Variants in EPRS1 observed in about 807,000 individuals in gnomAD.
EPRS1 encodes the protein glutamyl-prolyl-tRNA synthetase 1.
A neutral mutation model predicts 188.3 loss-of-function variants in EPRS1; 107 were observed. The ratio of observed to expected loss-of-function variants is 0.57; its 90% CI spans 0.49 to 0.67. The LOEUF (loss-of-function observed/expected upper bound fraction) is 0.67, where lower values mean the gene tolerates loss of function less well. Among genes scored for constraint, EPRS1 ranks in the 30% least tolerant of loss-of-function variants. The pLI is 0.00. For synonymous variants in EPRS1, 596 were observed against 593.1 expected (o/e 1.00, Z -0.07); for missense variants, 1,577 against 1,802.2 (o/e 0.88, Z 2.26).
intron 2 of EPRS1, among the ~76,000 whole-genome samples, chr1:220,038,390 CTTTTTTTT>C (rs71169431): frequency 1.9e-4 from 19 of 101,564 alleles, no homozygotes; most frequent in African/African-American, 8.0e-4. Flanking sequence ...CTCAGTTTAT[CTTTTTTTT>C]TTTTTTTTTT....
intron 28 of EPRS1, among the ~76,000 whole-genome samples, chr1:219,976,515 T>A (rs1278566063): frequency 6.6e-6 from 1 of 152,188 alleles, no homozygotes; most frequent in African/African-American, 2.4e-5. Context: ...GCTTGTGCTG[T>A]GATTATGTAG....
chr1:220,015,646 A>G (rs1661688028), intron 12 of EPRS1, among the ~76,000 whole-genome samples: 2 of 152,152 alleles, frequency 1.3e-5, no homozygotes, highest in Non-Finnish European at 2.9e-5. Context: ...GACCCTCACC[A>G]TGGCCTATCA....
In EPRS1 at chr1:220,002,005, C is replaced by A. The variant is rs6674466; in HGVS notation, c.2064-750G>T. ...GATCACACCACTGCACTCCAGCCTGCGTGACAGAGTGAGATTCTGTCTCCA... is the reference window on the plus strand; with the variant it reads ...GATCACACCACTGCACTCCAGCCTGAGTGACAGAGTGAGATTCTGTCTCCA... On this transcript the variant is annotated intron_variant, in intron 16 of 31. Transcript: ENST00000366923. Among the ~76,000 whole-genome samples the A allele has an allele frequency of 7.9e-4, 117 of 148,844 alleles. No individual in the cohort carries two copies. In the East Asian group the frequency reaches 0.021, roughly 27 times the overall value.
intron 8 of EPRS1, among the ~76,000 whole-genome samples, chr1:220,023,938 G>C (rs1661922643): frequency 6.6e-6 from 1 of 152,214 alleles, no homozygotes; most frequent in Non-Finnish European, 1.5e-5. Flanking sequence ...CAGATCACAA[G>C]GTCAGGAATT....
chr1:220,040,404 G>T (rs983278395), intron 1 of EPRS1, 135 bp from the exon 2 acceptor site: 1 of 567,472 alleles, frequency 1.8e-6, no homozygotes, highest in Non-Finnish European at 3.1e-6. Context: ...TCAGTAGTCT[G>T]TAGACAGAAA....
Position 220,020,210 on chromosome 1 carries a change from G to C in EPRS1, c.1127C>G (p.Thr376Arg). Residue 376 changes from threonine (T) to arginine (R), a missense_variant, in exon 10 of 32, where the codon ACA becomes AGA. Around this residue, in one of 3 missense-constraint regions of EPRS1, gnomAD observed 1,278 missense variants for 1,457.4 expected, o/e 0.88. Coordinates refer to ENST00000366923, the MANE Select transcript of EPRS1 (RefSeq NM_004446.3). ...AACTATGGGGCAGGCAAAATCATAT[G>C]TTGGATAAACACTAGAAAAAAAGAA... ...RTGNKYNVYP[T>R]YDFACPIVDS... 6.2e-7 allele frequency: 1 copy of C among 1,607,974 alleles called. No homozygotes were observed. Among genetic ancestry groups the C allele is most frequent in the Non-Finnish European group, 8.5e-7 (1 of 1,175,554 alleles).
intron 18 of EPRS1, among the ~76,000 whole-genome samples, chr1:219,989,224 T>C (rs530183653): frequency 1.3e-5 from 2 of 152,166 alleles, no homozygotes; most frequent in East Asian, 1.9e-4. Context: ...AGAAATTAAA[T>C]ACAACTTTGG....
intron 5 of EPRS1, 146 bp downstream of exon 5, chr1:220,032,241 A>ATT (rs57738676): frequency 1.5e-4 from 62 of 415,434 alleles, no homozygotes; most frequent in South Asian, 2.7e-4. Flanking sequence ...CGCCCGGCTA[A>ATT]TTTTTTTTTT....
At chr1:220,037,268 G>T (rs1368170245) in intron 2 of EPRS1, among the ~76,000 whole-genome samples, 3 of 152,112 alleles carry the variant, frequency 2.0e-5, no homozygotes, top group Non-Finnish European at 2.9e-5. Context: ...ACTTTGGGAG[G>T]CCGAGGTGGG....
chr1:219,978,514 T>A lies in EPRS1; in HGVS notation c.4083+32A>T, dbSNP rs1396865612. The A allele has an allele frequency of 3.4e-6, 5 of 1,491,246 alleles. No homozygotes were observed. In the East Asian group the frequency reaches 9.6e-5, roughly 29 times the overall value. The allele number at this position is 1,491,246 out of a possible 1,614,324, so 92.4% of individuals were successfully genotyped here. On this transcript the variant is annotated intron_variant, in intron 28 of 31. Coordinates refer to ENST00000366923, the MANE Select transcript of EPRS1 (RefSeq NM_004446.3). The stretch of plus-strand genomic sequence containing the variant: ...AAAATCTAAACTCAAATTGCAGATG[T>A]TGGGGGTAAAAGATAAAGCTTAGGA...
intron 4 of EPRS1, 121 bp from the exon 5 acceptor site, chr1:220,032,647 T>C (rs1258713965): frequency 1.5e-5 from 14 of 920,986 alleles, no homozygotes; most frequent in Non-Finnish European, 2.2e-5. Context: ...GAAAATGAAA[T>C]GTTAAATATC....
At chr1:220,033,055 AGAAG>A (rs1662114908) in intron 4 of EPRS1, among the ~76,000 whole-genome samples, 1 of 152,228 alleles carries the variant, frequency 6.6e-6, no homozygotes, top group Admixed American at 6.5e-5. Context: ...TAGTTGTAGA[AGAAG>A]GAAGTGACCT....
At chr1:220,001,350 A>T (rs1358857379) in intron 16 of EPRS1, 95 bp from the exon 17 acceptor site, 2 of 752,206 alleles carry the variant, frequency 2.7e-6, no homozygotes, top group Non-Finnish European at 4.7e-6. Flanking sequence ...AATGGCACTA[A>T]GTTAATGCTT....
intron 15 of EPRS1, among the ~76,000 whole-genome samples, chr1:220,005,599 T>C (rs1051838637): frequency 7.2e-5 from 11 of 152,202 alleles, no homozygotes; most frequent in Admixed American, 7.2e-4. Context: ...ATAACTTGAT[T>C]AGCATTCCAG....
At chr1:219,988,537 C>CA in intron 19 of EPRS1, 53 bp downstream of exon 19, 1 of 1,247,786 alleles carries the variant, frequency 8.0e-7, no homozygotes, top group Non-Finnish European at 1.2e-6. Flanking sequence ...GAGGCAAAGA[C>CA]AATACCCTGA....
At chr1:219,983,063 A>T in intron 22 of EPRS1, 126 bp downstream of exon 22, 1 of 796,250 alleles carries the variant, frequency 1.3e-6, no homozygotes, top group Non-Finnish European at 2.0e-6. Flanking sequence ...CTTGCTATAA[A>T]GGTAGAAACA....
At chr1:220,024,677 G>C (rs1293569766) in intron 7 of EPRS1, among the ~76,000 whole-genome samples, 1 of 152,138 alleles carries the variant, frequency 6.6e-6, no homozygotes, top group Non-Finnish European at 1.5e-5. Context: ...CTGATCTCAC[G>C]ATGGAGTTTT....
chr1:220,028,310 G>A (rs1361261090), intron 6 of EPRS1, among the ~76,000 whole-genome samples: 2 of 152,124 alleles, frequency 1.3e-5, no homozygotes, highest in Non-Finnish European at 2.9e-5. Context: ...GAAAGGTGAT[G>A]AGATCAAAAC....
intron 12 of EPRS1, among the ~76,000 whole-genome samples, chr1:220,012,616 AG>A (rs1661625258): frequency 6.6e-6 from 1 of 152,238 alleles, no homozygotes; most frequent in Admixed American, 6.5e-5. Context: ...AGGTATTTTT[AG>A]CTCTAAAAAT....
Sources: gnomAD v4.1 joint callset for allele counts (sites outside exome capture counted in the v4.1 genomes callset) on GRCh38, gnomAD v4.1.1 for gene constraint, gnomAD v4.1.1 regional missense constraint, MANE v1.5 for transcripts, NCBI Gene and HGNC (gene_info 2026-07-23, HGNC 2026-07-21) for gene names.